Variants in MYH15 observed in about 807,000 individuals in gnomAD.
MYH15 encodes the protein myosin heavy chain 15, also known as myosin-15.
Under a neutral mutation model 240.5 loss-of-function variants are expected in MYH15, and 227 were observed. That is an observed-to-expected ratio of 0.94 (90% CI 0.85 to 1.05). The LOEUF (loss-of-function observed/expected upper bound fraction) is 1.05, where lower values mean the gene tolerates loss of function less well. MYH15 is among the 50% of genes least tolerant of loss of function. MYH15 has a pLI of 0.00. For synonymous variants in MYH15, 785 were observed against 796.7 expected, an observed-to-expected ratio of 0.99 and a Z score of 0.25; for missense variants, 2,217 against 2,247.5, an observed-to-expected ratio of 0.99 and a Z score of 0.27.
At chr3:108,484,004 T>C (rs1336196213) in intron 11 of MYH15, among the ~76,000 whole-genome samples, 4 of 152,190 alleles carry the variant, frequency 2.6e-5, no homozygotes, top group Admixed American at 2.6e-4. Context: ...GTGGATTACA[T>C]TGCTAATTAC....
At position 108,444,731 on chromosome 3, in the gene MYH15, A is replaced by G. The variant is rs1243052228; in HGVS notation, c.2564T>C (p.Leu855Ser). Residue 855 changes from leucine to serine, a missense_variant, in exon 22 of 41, where the codon TTG becomes TCG. Transcript: ENST00000693548. The stretch of plus-strand genomic sequence containing the variant: ...CTCCCTCTGAAACTCTGATTTCTCC[A>G]AGGCTTTCTGTAATTGTGCACACTC... Reference protein sequence around the residue: ...KEECAQLQKALEKSEFQREEL... With the variant: ...KEECAQLQKASEKSEFQREEL... 6.2e-7 allele frequency: 1 copy of G among 1,614,062 alleles called. No homozygotes were observed. The highest frequency in any genetic ancestry group is 8.5e-7 in the Non-Finnish European group (1 of 1,179,990).
chr3:108,436,351 T>G (rs896570967), intron 25 of MYH15, among the ~76,000 whole-genome samples: 1 of 152,170 alleles, frequency 6.6e-6, no homozygotes, highest in Non-Finnish European at 1.5e-5. Flanking sequence ...ATTCATAAGG[T>G]CGCTTGTTTC....
At chr3:108,440,931 G>T in intron 23 of MYH15, 87 bp downstream of exon 23, 1 of 1,521,206 alleles carries the variant, frequency 6.6e-7, no homozygotes, top group South Asian at 1.2e-5. Flanking sequence ...TAATTAACTT[G>T]AATAGAGCAA....
intron 28 of MYH15, among the ~76,000 whole-genome samples, chr3:108,419,546 T>A (rs1422606232): frequency 2.0e-5 from 3 of 152,248 alleles, no homozygotes; most frequent in Non-Finnish European, 2.9e-5. Context: ...ATTCTCCAGC[T>A]TTGTGTCTGG....
At chr3:108,521,423 G>A (rs533988742) in intron 1 of MYH15, among the ~76,000 whole-genome samples, 1 of 151,504 alleles carries the variant, frequency 6.6e-6, no homozygotes, top group East Asian at 1.9e-4. Context: ...AACTCTTTGA[G>A]TTATAGGAAA....
rs1490905200 is a variant in MYH15, at chr3:108,399,135, A to T, written c.4869T>A (p.Cys1623Ter). ...TTGCTTCTGACACCTGCCGGTTGGCACAGCTAAGCTGGAGTTCCATCTCAT... is the reference window on the plus strand; with the variant it reads ...TTGCTTCTGACACCTGCCGGTTGGCTCAGCTAAGCTGGAGTTCCATCTCAT... ...DLNEMELQLS[C>*]ANRQVSEATK... Residue 1623 changes from cysteine (C) to a stop codon, truncating the protein, a stop_gained, in exon 34 of 41, where the codon TGT becomes TGA. Coordinates refer to ENST00000693548, the MANE Select transcript of MYH15 (RefSeq NM_014981.3). LOFTEE classifies it high-confidence loss of function. The T allele has an allele frequency of 3.7e-6, 6 of 1,614,210 alleles. No individual in the cohort carries two copies. The highest frequency in any genetic ancestry group is 5.1e-6 in the Non-Finnish European group (6 of 1,180,038).
At chr3:108,457,764 C>T (rs550710171) in intron 18 of MYH15, among the ~76,000 whole-genome samples, 1 of 152,328 alleles carries the variant, frequency 6.6e-6, no homozygotes, top group African/African-American at 2.4e-5. Flanking sequence ...GCTGGCACAG[C>T]GGCTCATGCC....
intron 5 of MYH15, among the ~76,000 whole-genome samples, chr3:108,498,770 C>T (rs545402877): frequency 3.3e-5 from 5 of 152,300 alleles, no homozygotes; most frequent in Admixed American, 1.3e-4. Context: ...ATTCTGAGAC[C>T]TCATGATCCC....
chr3:108,396,901 T>A (rs778527933), intron 35 of MYH15, among the ~76,000 whole-genome samples: 2 of 152,154 alleles, frequency 1.3e-5, no homozygotes, highest in Admixed American at 6.5e-5. Flanking sequence ...AGGGGGAACA[T>A]TGGCATTCTG....
At chr3:108,408,102 A>G (rs963884967) in intron 32 of MYH15, among the ~76,000 whole-genome samples, 178 bp downstream of exon 32, 3 of 152,170 alleles carry the variant, frequency 2.0e-5, no homozygotes, top group Admixed American at 1.3e-4. Context: ...TCTTTTATAA[A>G]ATGGGGACAG....
chr3:108,426,590 T>C (rs1378047327), intron 27 of MYH15, among the ~76,000 whole-genome samples: 1 of 152,196 alleles, frequency 6.6e-6, no homozygotes, highest in African/African-American at 2.4e-5. Context: ...TATGGAAGCA[T>C]AGCTCTTCCA....
chr3:108,449,821 A>G (rs1280407985), intron 21 of MYH15, among the ~76,000 whole-genome samples: 2 of 152,094 alleles, frequency 1.3e-5, no homozygotes, highest in Non-Finnish European at 2.9e-5. Flanking sequence ...ATATTTGCAA[A>G]CTATACATGA....
intron 14 of MYH15, 110 bp downstream of exon 14, chr3:108,469,932 G>T: frequency 9.5e-7 from 1 of 1,054,146 alleles, no homozygotes; most frequent in Non-Finnish European, 1.3e-6. Context: ...AGGGCTTTCC[G>T]CCCCCATTTC....
chr3:108,422,025 G>A (rs2082687907), intron 27 of MYH15, among the ~76,000 whole-genome samples: 1 of 152,162 alleles, frequency 6.6e-6, no homozygotes, highest in African/African-American at 2.4e-5. Context: ...TGAGACCCAA[G>A]ATCCTCAGAC....
At chr3:108,490,313 T>A (rs562910300) in intron 9 of MYH15, among the ~76,000 whole-genome samples, 1 of 152,328 alleles carries the variant, frequency 6.6e-6, no homozygotes, top group East Asian at 1.9e-4. Flanking sequence ...ACTGCTAGAT[T>A]TATACCATAC....
intron 22 of MYH15, 143 bp downstream of exon 22, chr3:108,444,497 T>G: frequency 1.0e-6 from 1 of 970,692 alleles, no homozygotes; most frequent in Admixed American, 2.7e-5. Flanking sequence ...TCTCTTTGTT[T>G]TCATTGTCTT....
At chr3:108,474,529 T>G (rs2083204236) in intron 12 of MYH15, among the ~76,000 whole-genome samples, 1 of 151,398 alleles carries the variant, frequency 6.6e-6, no homozygotes, top group African/African-American at 2.4e-5. Context: ...TTATATATAT[T>G]TATGAGGTAC....
chr3:108,541,614 A>C, the MYH15 span, among the ~76,000 whole-genome samples: 1 of 152,170 alleles, frequency 6.6e-6, no homozygotes, highest in Admixed American at 6.5e-5. Context: ...TTGGATTACA[A>C]TGGAATGAGG....
At chr3:108,470,617 C>T in intron 13 of MYH15, 81 bp downstream of exon 13, 1 of 1,468,314 alleles carries the variant, frequency 6.8e-7, no homozygotes, top group Non-Finnish European at 9.3e-7. Context: ...CATGCTTTGA[C>T]CATATTTTCC....
Sources: allele counts gnomAD v4.1 joint callset (sites outside exome capture counted in the v4.1 genomes callset), GRCh38; gene constraint gnomAD v4.1.1; transcripts MANE v1.5; gene names NCBI Gene and HGNC (gene_info 2026-07-23, HGNC 2026-07-21).